The following GSTT4 variants were observed in gnomAD, a reference collection of about 807,000 sequenced individuals.
The protein encoded by GSTT4 is glutathione S-transferase theta-4.
At chr22:23,996,646 GT>G (rs2034118758), downstream of GSTT4, among the ~76,000 whole-genome samples, 3 of 152,168 alleles carry the variant, frequency 2.0e-5, no homozygotes, top group Admixed American at 6.5e-5. Context: ...ATTGATTTTT[GT>G]ATGTTGAACT....
At chr22:23,994,363 A>AT (rs1227625235), downstream of GSTT4, among the ~76,000 whole-genome samples, 1 of 151,986 alleles carries the variant, frequency 6.6e-6, no homozygotes, top group African/African-American at 2.4e-5. Flanking sequence ...ATTCTAGATC[A>AT]TTTTCATCAC....
intron 2 of GSTT4, among the ~76,000 whole-genome samples, 167 bp from the exon 3 acceptor site, chr22:24,001,492 G>A (rs1287931095): frequency 2.6e-5 from 4 of 152,270 alleles, no homozygotes; most frequent in Non-Finnish European, 2.9e-5. Context: ...CAGTCAGTAA[G>A]GGCTGGGAAG....
intron 1 of GSTT4, chr22:24,004,761 T>G (rs974163707): frequency 3.9e-5 from 6 of 153,240 alleles, no homozygotes; most frequent in African/African-American, 1.2e-4. Flanking sequence ...CTGTCATTAG[T>G]GAGCACTGAC....
chr22:23,998,630 C>T lies in GSTT4; in HGVS notation c.638G>A (p.Arg213Gln), dbSNP rs202088731. 558 of 155,104 alleles carry T rather than the reference C, an allele frequency of 3.6e-3. 1 individual carries two copies. Among genetic ancestry groups the T allele is most frequent in the Non-Finnish European group, 5.2e-3 (352 of 68,160 alleles). The allele number at this position is 155,104 out of a possible 1,614,324, so 9.6% of individuals were successfully genotyped here. ...GSGLFREAHDRLMQLADWDFS... is the reference protein window; with the variant it reads ...GSGLFREAHDQLMQLADWDFS... ...GTCCCAGTCGGCCAACTGCATTAGTCGATCATGGGCCTCCCTAAAGAGGCC... is the reference window on the plus strand; with the variant it reads ...GTCCCAGTCGGCCAACTGCATTAGTTGATCATGGGCCTCCCTAAAGAGGCC... The change falls in exon 5 of 5, where the codon CGA (arginine) becomes CAA (glutamine). Residue 213 changes from arginine to glutamine, a missense_variant. Arg to Gln is a conservative substitution (Grantham distance 43, BLOSUM62 1). Transcript: ENST00000621179.
the GSTT4 span, among the ~76,000 whole-genome samples, chr22:23,989,529 C>G: frequency 7.0e-6 from 1 of 143,072 alleles, no homozygotes; most frequent in Non-Finnish European, 1.6e-5. Flanking sequence ...GGCTTGCCCC[C>G]TCTGATTCAG....
At chr22:23,994,947 G>A (rs1240428569), downstream of GSTT4, among the ~76,000 whole-genome samples, 1 of 152,112 alleles carries the variant, frequency 6.6e-6, no homozygotes, top group Admixed American at 6.6e-5. Context: ...GATTAAACAA[G>A]GTAAGAGATG....
At chr22:23,994,882 G>A (rs1200142438), downstream of GSTT4, among the ~76,000 whole-genome samples, 2 of 152,082 alleles carry the variant, frequency 1.3e-5, no homozygotes, top group Admixed American at 6.6e-5. Context: ...TGAAGAACTT[G>A]TTTCTTCATC....
the GSTT4 span, among the ~76,000 whole-genome samples, chr22:23,992,868 G>C: frequency 1.3e-5 from 2 of 151,316 alleles, 1 homozygote; most frequent in African/African-American, 4.9e-5. Context: ...GCCTCGACCT[G>C]GGCTCAAACA....
Position 23,998,603 on chromosome 22 carries a change from AAGTCCC to A in GSTT4, c.659_664del (p.Trp220_Asp221del), listed in dbSNP as rs957265900. 1.9e-5 allele frequency: 3 copies of A among 155,134 alleles called. No homozygotes were observed. The highest frequency in any genetic ancestry group is 6.5e-5 in the Admixed American group (1 of 15,286). 9.6% of individuals were successfully genotyped at this position (155,134 alleles called of 1,614,324 possible). On this transcript the variant is annotated inframe_deletion, in exon 5 of 5. Coordinates refer to ENST00000621179, the MANE Select transcript of GSTT4 (RefSeq NM_001358664.2). Reference sequence around the variant, plus strand: ...CTTGACCATTGAATCCAATGTTGAAAAGTCCCAGTCGGCCAACTGCATTAGTCGATC... The same window carrying A: ...CTTGACCATTGAATCCAATGTTGAAAAGTCGGCCAACTGCATTAGTCGATC...
chr22:23,999,122 G>A (rs2034170019), intron 4 of GSTT4, among the ~76,000 whole-genome samples: 1 of 152,166 alleles, frequency 6.6e-6, no homozygotes, highest in African/African-American at 2.4e-5. Flanking sequence ...TCCATGTTTA[G>A]CCTCCCACTG....
intron 2 of GSTT4, among the ~76,000 whole-genome samples, chr22:24,003,165 T>C (rs990606173): frequency 1.0e-5 from 1 of 97,688 alleles, no homozygotes; most frequent in Non-Finnish European, 2.3e-5. Context: ...TTTTAAGAAC[T>C]CTTATCTCTG....
At chr22:24,002,617 TC>T (rs1221407474) in intron 2 of GSTT4, among the ~76,000 whole-genome samples, 1 of 47,612 alleles carries the variant, frequency 2.1e-5, no homozygotes, top group East Asian at 3.6e-4. Context: ...GATCATGGGG[TC>T]AGGAGATCGA....
intron 2 of GSTT4, among the ~76,000 whole-genome samples, chr22:24,002,198 T>A (rs2034245149): frequency 6.6e-6 from 1 of 152,210 alleles, no homozygotes; most frequent in Non-Finnish European, 1.5e-5. Flanking sequence ...GATTAGGCAT[T>A]ATATAAGCCA....
intron 1 of GSTT4, 66 bp from the exon 2 acceptor site, chr22:24,003,913 G>A (rs947651715): frequency 2.6e-5 from 4 of 154,758 alleles, no homozygotes; most frequent in Non-Finnish European, 4.4e-5. Flanking sequence ...GACTCCCAGA[G>A]ACCCAAACGC....
chr22:23,999,917 G>A (rs1332467734), intron 4 of GSTT4, among the ~76,000 whole-genome samples, 158 bp downstream of exon 4: 23 of 152,204 alleles, frequency 1.5e-4, no homozygotes, highest in Non-Finnish European at 2.8e-4. Flanking sequence ...CTGTTGCCCC[G>A]ATTGAGTCCA....
At chr22:23,993,270 C>T in the GSTT4 span, among the ~76,000 whole-genome samples, 10 of 152,130 alleles carry the variant, frequency 6.6e-5, no homozygotes, top group Admixed American at 4.6e-4. Flanking sequence ...GCTGCGTTGC[C>T]CAGGCTGGTC....
At chr22:23,993,098 T>A in the GSTT4 span, among the ~76,000 whole-genome samples, 2 of 152,206 alleles carry the variant, frequency 1.3e-5, no homozygotes, top group Admixed American at 6.5e-5. Flanking sequence ...ACATTTAAAG[T>A]TACCATCATT....
At chr22:23,994,139 T>C (rs1240563193), downstream of GSTT4, among the ~76,000 whole-genome samples, 2 of 151,384 alleles carry the variant, frequency 1.3e-5, no homozygotes, top group Non-Finnish European at 2.9e-5. Context: ...AAATTTACAC[T>C]TCAGAATAAA....
downstream of GSTT4, among the ~76,000 whole-genome samples, chr22:23,997,340 C>T (rs1032554321): frequency 6.6e-6 from 1 of 152,090 alleles, no homozygotes. Context: ...CCTCGGCCAC[C>T]CAGTTAGCTA....
Sources: gnomAD v4.1 joint callset for allele counts (sites outside exome capture counted in the v4.1 genomes callset) on GRCh38, gnomAD v4.1.1 for gene constraint, MANE v1.5 for transcripts, NCBI Gene and HGNC (gene_info 2026-07-23, HGNC 2026-07-21) for gene names.